Variants in C5orf46 observed in about 807,000 individuals in gnomAD.
C5orf46 encodes the protein uncharacterized protein C5orf46.
C5orf46 carries 9 observed loss-of-function variants against 8.9 expected under a neutral mutation model. The observed-to-expected ratio is 1.01, with a 90% CI of 0.61 to 1.76. C5orf46 has a LOEUF of 1.76. Ranked by LOEUF, C5orf46 falls within the 40% of genes most tolerant of loss-of-function variation. The pLI is 0.00. For missense variants in C5orf46, 98 were observed against 107.8 expected, an observed-to-expected ratio of 0.91 and a Z score of 0.40; for synonymous variants, 47 against 41.4, an observed-to-expected ratio of 1.14 and a Z score of -0.52.
chr5:147,899,791 G>A lies in C5orf46; in HGVS notation c.215+1838C>T, dbSNP rs576687507. ...GAAGTGACTTTTAGATTAGCTGTAA[G>A]CTCAAGAACTAGTCATTAGAAAAGG... On this transcript the variant is annotated intron_variant, in intron 2 of 3. Transcript: ENST00000318315. Among the ~76,000 whole-genome samples the A allele has an allele frequency of 2.0e-5, 3 of 152,268 alleles. No individual in the cohort carries two copies. In the South Asian group the frequency reaches 6.2e-4, roughly 32 times the overall value.
At chr5:147,894,027 G>C (rs1479412438) in intron 3 of C5orf46, among the ~76,000 whole-genome samples, 1 of 151,810 alleles carries the variant, frequency 6.6e-6, no homozygotes, top group East Asian at 1.9e-4. Context: ...GGAATTTCCT[G>C]TCTGACTTAC....
At chr5:147,895,012 G>A (rs963085790) in intron 3 of C5orf46, among the ~76,000 whole-genome samples, 4 of 151,526 alleles carry the variant, frequency 2.6e-5, no homozygotes, top group Admixed American at 6.6e-5. Context: ...GCAGTGAGCC[G>A]AGATGGCACC....
At chr5:147,887,006 G>GGTATGATTGTTCTCCC (rs1246127898) in intron 2 of C5orf46, 1 of 151,974 alleles carries the variant, frequency 6.6e-6, no homozygotes, top group East Asian at 1.9e-4. Context: ...CAATGCCTAG[G>GGTATGATTGTTCTCCC]GTATGATTGT....
intron 1 of C5orf46, among the ~76,000 whole-genome samples, chr5:147,905,356 C>T (rs1338239254): frequency 1.3e-5 from 2 of 152,070 alleles, no homozygotes; most frequent in South Asian, 4.1e-4. Flanking sequence ...AAGCAGTGAA[C>T]GATTTAACCA....
intron 1 of C5orf46, 82 bp from the exon 2 acceptor site, chr5:147,901,855 C>A (rs1355947024): frequency 3.2e-5 from 46 of 1,448,170 alleles, no homozygotes; most frequent in Non-Finnish European, 4.0e-5. Context: ...GCTTGGGATT[C>A]TTTCTGACCC....
At chr5:147,895,624 GAC>G (rs1403878558) in intron 3 of C5orf46, among the ~76,000 whole-genome samples, 1 of 152,118 alleles carries the variant, frequency 6.6e-6, no homozygotes, top group Non-Finnish European at 1.5e-5. Context: ...CTACATCATA[GAC>G]CAGACCTGTA....
At position 147,906,535 on chromosome 5, in the gene C5orf46, G is replaced by T; in HGVS notation, c.-34C>A. ...CACGGGGTATTCGTGCAGATAAATT[G>T]TTCAGATACATGTGAAACAATGCTC... On this transcript the variant is annotated 5_prime_UTR_variant, in exon 1 of 4. Transcript: ENST00000318315. The T allele has an allele frequency of 2.0e-6, 3 of 1,493,694 alleles. No individual in the cohort carries two copies. Among genetic ancestry groups the T allele is most frequent in the African/African-American group, 2.7e-5 (2 of 73,166 alleles). The allele number at this position is 1,493,694 out of a possible 1,614,324, so 92.5% of individuals were successfully genotyped here.
At chr5:147,895,880 T>C (rs565873446) in intron 3 of C5orf46, among the ~76,000 whole-genome samples, 1 of 152,280 alleles carries the variant, frequency 6.6e-6, no homozygotes, top group East Asian at 1.9e-4. Context: ...TTCTCATCCT[T>C]AGAAGCACAT....
chr5:147,904,096 A>C (rs1340339532), intron 1 of C5orf46, among the ~76,000 whole-genome samples: 1 of 152,162 alleles, frequency 6.6e-6, no homozygotes, highest in African/African-American at 2.4e-5. Flanking sequence ...AGGTAAAAAA[A>C]AAAAAAGACA....
chr5:147,897,201 G>A (rs1294320290), intron 2 of C5orf46, among the ~76,000 whole-genome samples, 160 bp from the exon 3 acceptor site: 3 of 152,084 alleles, frequency 2.0e-5, no homozygotes, highest in Non-Finnish European at 2.9e-5. Context: ...AGTTCATAGT[G>A]GGCAAGTAAT....
chr5:147,899,814 A>C (rs1757640301), intron 2 of C5orf46, among the ~76,000 whole-genome samples: 1 of 152,162 alleles, frequency 6.6e-6, no homozygotes, highest in Non-Finnish European at 1.5e-5. Flanking sequence ...TCATTAGAAA[A>C]GGAGAGTATT....
At chr5:147,886,854 G>A (rs544144833) in intron 2 of C5orf46, 1 of 152,200 alleles carries the variant, frequency 6.6e-6, no homozygotes, top group South Asian at 2.1e-4. Flanking sequence ...AACCTTGAAA[G>A]TGGAAATGCA....
chr5:147,890,053 A>T (rs1314160611), downstream of C5orf46, among the ~76,000 whole-genome samples: 2 of 152,128 alleles, frequency 1.3e-5, no homozygotes, highest in African/African-American at 4.8e-5. Context: ...TCATCAAGTC[A>T]TGGATCAAAT....
At chr5:147,885,998 AAGG>A (rs1223181632) in intron 2 of C5orf46, 2 of 152,302 alleles carry the variant, frequency 1.3e-5, no homozygotes, top group African/African-American at 4.8e-5. Flanking sequence ...TTCAACAAAA[AAGG>A]AGAACAAACT....
intron 2 of C5orf46, chr5:147,901,387 GAA>G (rs71969066): frequency 0.1 from 25,663 of 247,720 alleles, 1,073 homozygotes; most frequent in African/African-American, 0.19. Flanking sequence ...AGATTAAAAA[GAA>G]AAAAAAAAAA....
chr5:147,895,142 G>T (rs886584615), intron 3 of C5orf46, among the ~76,000 whole-genome samples: 4 of 151,980 alleles, frequency 2.6e-5, no homozygotes, highest in African/African-American at 7.3e-5. Flanking sequence ...GGAAATTCTG[G>T]CTGCATGCCA....
At position 147,901,756 on chromosome 5, in the gene C5orf46, G is replaced by GCTTGTCGTCTGT. The variant is rs1049924074; in HGVS notation, c.87_88insACAGACGACAAG (p.Lys29_Pro30insThrAspAspLys). ...CCCGAGTCGTCTGGCTTGTCGTCTG[G>GCTTGTCGTCTGT]CTTGTCTGGTTTGTCGTCTGAAAAA... On this transcript the variant is annotated inframe_insertion, in exon 2 of 4. Coordinates refer to ENST00000318315, the MANE Select transcript of C5orf46 (RefSeq NM_206966.3). 7 of 1,613,714 alleles carry GCTTGTCGTCTGT rather than the reference G, an allele frequency of 4.3e-6. No homozygotes were observed. Among genetic ancestry groups the GCTTGTCGTCTGT allele is most frequent in the African/African-American group, 1.3e-5 (1 of 74,896 alleles).
At chr5:147,903,198 C>A (rs1339310514) in intron 1 of C5orf46, among the ~76,000 whole-genome samples, 1 of 152,116 alleles carries the variant, frequency 6.6e-6, no homozygotes, top group Non-Finnish European at 1.5e-5. Context: ...AAAGTGGGAC[C>A]TTTATTTTTT....
rs1366581497 is a variant in C5orf46 at position 147,901,673 on chromosome 5, A to G, written c.171T>C (p.Ile57=). Residue 57 remains isoleucine (I), a synonymous_variant, in exon 2 of 4, where the codon ATT becomes ATC. Coordinates refer to ENST00000318315, the MANE Select transcript of C5orf46 (RefSeq NM_206966.3). ...GGAGGATGAACTCGACTGCATTCTC[A>G]ATGATCTCTGTGCCCAGGAGGCTTA... The part of the protein sequence containing the change: ...KFLSLLGTEI[I]ENAVEFILRS... 1.2e-6 allele frequency: 2 copies of G among 1,613,996 alleles called. No individual in the cohort carries two copies. The highest frequency in any genetic ancestry group is 3.3e-5 in the Admixed American group (2 of 60,008).
Sources: gnomAD v4.1 joint callset for allele counts (sites outside exome capture counted in the v4.1 genomes callset) on GRCh38, gnomAD v4.1.1 for gene constraint, MANE v1.5 for transcripts, NCBI Gene and HGNC (gene_info 2026-07-23, HGNC 2026-07-21) for gene names.